EHD1: variants seen among roughly 807,000 people sequenced by gnomAD.
EHD1 encodes EH domain-containing protein 1.
In EHD1, 19 loss-of-function variants were observed where a neutral mutation model predicts 39.0. The observed-to-expected ratio is 0.49, with a 90% confidence interval of 0.34 to 0.72. EHD1 has a LOEUF of 0.72. Among genes scored for constraint, EHD1 ranks in the 30% least tolerant of loss-of-function variants. EHD1 has a pLI of 0.01. For synonymous variants in EHD1, 323 were observed against 331.2 expected, an observed-to-expected ratio of 0.98 and a Z score of 0.27; for missense variants, 542 against 751.5, an observed-to-expected ratio of 0.72 and a Z score of 3.26.
chr11:64,864,857 C>T (rs927103143), intron 2 of EHD1, among the ~76,000 whole-genome samples: 2 of 152,122 alleles, frequency 1.3e-5, no homozygotes, highest in Non-Finnish European at 2.9e-5. Flanking sequence ...AGGTCACCCT[C>T]CCAAACTCCA....
At chr11:64,872,320 G>A (rs1251641969) in intron 2 of EHD1, among the ~76,000 whole-genome samples, 1 of 152,138 alleles carries the variant, frequency 6.6e-6, no homozygotes, top group Non-Finnish European at 1.5e-5. Context: ...AATTAGCCAG[G>A]CGTGGTGGCA....
chr11:64,859,119 T>A (rs1943685819), intron 3 of EHD1, among the ~76,000 whole-genome samples: 1 of 152,204 alleles, frequency 6.6e-6, no homozygotes, highest in Non-Finnish European at 1.5e-5. Context: ...ACGACACAAA[T>A]AACTGATGTT....
chr11:64,874,030 G>A (rs1294643120), intron 2 of EHD1, among the ~76,000 whole-genome samples: 2 of 151,146 alleles, frequency 1.3e-5, no homozygotes, highest in East Asian at 2.0e-4. Context: ...GGGCAGCCAG[G>A]TGTGGCGGCT....
At chr11:64,874,542 G>A (rs370511037) in intron 1 of EHD1, 24 bp from the exon 2 acceptor site, 1 of 1,571,750 alleles carries the variant, frequency 6.4e-7, no homozygotes, top group East Asian at 2.3e-5. Flanking sequence ...AGAGCCAGAA[G>A]AGAGGCGTCA....
chr11:64,878,668 TGGCGGCTAGCGCCGCCGCGGC>T, upstream of EHD1: 1 of 1,278,460 alleles, frequency 7.8e-7, no homozygotes, highest in Non-Finnish European at 9.9e-7. Flanking sequence ...GGTCCCTCAG[TGGCGGCTAGCGCCGCCGCGGC>T]GGGGGCAGGG....
rs1359247009 is a variant in EHD1 at position 64,852,331 on chromosome 11, C to T, written c.*2002G>A. The T allele has an allele frequency of 6.6e-6, 1 of 152,072 alleles. No individual in the cohort carries two copies. The highest frequency in any genetic ancestry group is 1.5e-5 in the Non-Finnish European group (1 of 68,026). 9.4% of individuals were successfully genotyped at this position (152,072 alleles called of 1,614,324 possible). ...ACCGTCCTTGGGGCTAGCAAGGAGC[C>T]AGTCTGGCTCCAAAGCCCAGAAACC... On this transcript the variant is annotated 3_prime_UTR_variant, in exon 5 of 5. Coordinates refer to ENST00000320631, the MANE Select transcript of EHD1 (RefSeq NM_006795.4).
At position 64,855,447 on chromosome 11, in the gene EHD1, G is replaced by C. The variant is rs1316115979; in HGVS notation, c.955C>G (p.Pro319Ala). ...TTGCTCTCTTTACCAAAGACATTGG[G>C]CATCTCTTTCTTGAGGGAGCTGATG... ...YIISSLKKEM[P>A]NVFGKESKKK... The change falls in exon 4 of 5, where the codon CCC (proline) becomes GCC (alanine). Residue 319 changes from proline to alanine, a missense_variant. Physicochemically the swap from Pro to Ala is conservative, Grantham distance 27. Coordinates refer to ENST00000320631, the MANE Select transcript of EHD1 (RefSeq NM_006795.4). 1.9e-6 allele frequency: 3 copies of C among 1,614,036 alleles called. No homozygotes were observed. The East Asian group carries it at 6.7e-5, about 36-fold the overall frequency.
chr11:64,878,676 A>T, upstream of EHD1: 1 of 1,341,112 alleles, frequency 7.5e-7, no homozygotes, highest in Non-Finnish European at 9.5e-7. Flanking sequence ...AGTGGCGGCT[A>T]GCGCCGCCGC....
intron 3 of EHD1, chr11:64,856,510 C>T (rs1169184843): frequency 6.6e-6 from 1 of 152,328 alleles, no homozygotes; most frequent in Admixed American, 6.5e-5. Flanking sequence ...CCTGGCAGCC[C>T]TCGAGAGTAG....
intron 3 of EHD1, among the ~76,000 whole-genome samples, chr11:64,858,496 T>A (rs1419764579): frequency 6.6e-6 from 1 of 152,172 alleles, no homozygotes; most frequent in Non-Finnish European, 1.5e-5. Flanking sequence ...CTGGAGCCTA[T>A]TTCTGAAACA....
At chr11:64,860,470 C>T (rs1385347821) in intron 2 of EHD1, 134 bp from the exon 3 acceptor site, 6 of 1,280,092 alleles carry the variant, frequency 4.7e-6, no homozygotes, top group Non-Finnish European at 6.3e-6. Context: ...CGTGGTGGCT[C>T]ACGCCTGTAA....
rs1812014432 is a variant in EHD1 at position 64,854,098 on chromosome 11, A to C, written c.*235T>G. ...GGCGGCGACAAAGAACGCAGCCTCT[A>C]ACGTTATATATTAAAATAGCCACAG... On this transcript the variant is annotated 3_prime_UTR_variant, in exon 5 of 5. Coordinates refer to ENST00000320631, the MANE Select transcript of EHD1 (RefSeq NM_006795.4). The C allele has an allele frequency of 4.2e-6, 3 of 718,948 alleles. No individual in the cohort carries two copies. The highest frequency in any genetic ancestry group is 3.6e-5 in the African/African-American group (2 of 55,846). The allele number at this position is 718,948 out of a possible 1,614,324, so 44.5% of individuals were successfully genotyped here. A position where few individuals can be genotyped will look rare whatever the true frequency, so the allele number is the denominator to read the frequency against.
rs1943593620 is a variant in EHD1 at position 64,852,568 on chromosome 11, T to TAGGAGGGGGCAGCTACTGCCCAGCAGAGC, written c.*1736_*1764dup. The TAGGAGGGGGCAGCTACTGCCCAGCAGAGC allele has an allele frequency of 6.6e-6, 1 of 152,126 alleles. No homozygotes were observed. Among genetic ancestry groups the TAGGAGGGGGCAGCTACTGCCCAGCAGAGC allele is most frequent in the Admixed American group, 6.5e-5 (1 of 15,272 alleles). 9.4% of individuals were successfully genotyped at this position (152,126 alleles called of 1,614,324 possible). A position where few individuals can be genotyped will look rare whatever the true frequency, so the allele number is the denominator to read the frequency against. ...TTCCCTACAGGCCTGGCCCTCTTAG[T>TAGGAGGGGGCAGCTACTGCCCAGCAGAGC]AGGAGGGGGCAGCTACTGCCCAGCA... is the stretch of plus-strand genomic sequence containing the variant. On this transcript the variant is annotated 3_prime_UTR_variant, in exon 5 of 5. Coordinates refer to ENST00000320631, the MANE Select transcript of EHD1 (RefSeq NM_006795.4).
upstream of EHD1, chr11:64,878,913 A>G (rs1053616129): frequency 5.8e-6 from 6 of 1,027,150 alleles, no homozygotes; most frequent in African/African-American, 8.6e-5. Flanking sequence ...TTCGGCGGAG[A>G]CGGCCTCTGG....
rs1943589015 is a variant in EHD1, at chr11:64,852,181, C to G, written c.*2152G>C. The stretch of plus-strand genomic sequence containing the variant: ...AAGGGTCACTAATCAGTCACCCTTC[C>G]CTCTGCTGGTATAAACAGTCCCCCA... On this transcript the variant is annotated 3_prime_UTR_variant, in exon 5 of 5. Coordinates refer to ENST00000320631, the MANE Select transcript of EHD1 (RefSeq NM_006795.4). 6.6e-6 allele frequency: 1 copy of G among 152,294 alleles called. No individual in the cohort carries two copies. The allele number at this position is 152,294 out of a possible 1,614,324, so 9.4% of individuals were successfully genotyped here. A position where few individuals can be genotyped will look rare whatever the true frequency, so the allele number is the denominator to read the frequency against.
chr11:64,854,089 G>A lies in EHD1; in HGVS notation c.*244C>T, dbSNP rs1234893277. 3 of 686,136 alleles carry A rather than the reference G, an allele frequency of 4.4e-6. No individual in the cohort carries two copies. The highest frequency in any genetic ancestry group is 7.1e-6 in the Non-Finnish European group (3 of 425,352). The allele number at this position is 686,136 out of a possible 1,614,324, so 42.5% of individuals were successfully genotyped here. The stretch of plus-strand genomic sequence containing the variant: ...CACAGGGGAGGCGGCGACAAAGAAC[G>A]CAGCCTCTAACGTTATATATTAAAA... On this transcript the variant is annotated 3_prime_UTR_variant, in exon 5 of 5. Transcript: ENST00000320631.
intron 2 of EHD1, among the ~76,000 whole-genome samples, chr11:64,867,064 G>A (rs1424780659): frequency 6.6e-6 from 1 of 152,208 alleles, no homozygotes; most frequent in African/African-American, 2.4e-5. Context: ...CTAAATGCCA[G>A]TGAAATGCAC....
chr11:64,863,825 T>C (rs1372834873), intron 2 of EHD1, among the ~76,000 whole-genome samples: 2 of 152,252 alleles, frequency 1.3e-5, no homozygotes, highest in African/African-American at 4.8e-5. Context: ...ACTTCTCAGT[T>C]ACTTTCTCCA....
Position 64,854,659 on chromosome 11 carries a change from C to T in EHD1, c.1279G>A (p.Gly427Ser). 3.1e-6 allele frequency: 5 copies of T among 1,613,878 alleles called. No homozygotes were observed. The highest frequency in any genetic ancestry group is 4.2e-6 in the Non-Finnish European group (5 of 1,179,964). The change falls in exon 5 of 5, where the codon GGC (glycine) becomes AGC (serine). Residue 427 changes from glycine (G) to serine (S), a missense_variant. Physicochemically the swap from Gly to Ser is moderately conservative, Grantham distance 56. Transcript: ENST00000320631. The part of the protein sequence containing the change: ...TMNGPFGHGY[G>S]EGAGEGIDDV... Reference sequence around the variant, plus strand: ...TCGATGCCCTCGCCGGCCCCCTCGCCGTAGCCGTGCCCGAACGGCCCGTTC... The same window carrying T: ...TCGATGCCCTCGCCGGCCCCCTCGCTGTAGCCGTGCCCGAACGGCCCGTTC...
Sources: allele counts gnomAD v4.1 joint callset (sites outside exome capture counted in the v4.1 genomes callset), GRCh38; gene constraint gnomAD v4.1.1; transcripts MANE v1.5; gene names NCBI Gene and HGNC (gene_info 2026-07-23, HGNC 2026-07-21).